Variants in ARMC8 observed in about 807,000 individuals in gnomAD.
ARMC8 encodes armadillo repeat-containing protein 8.
A neutral mutation model predicts 99.3 loss-of-function variants in ARMC8; 20 were observed. The observed-to-expected ratio is 0.20, with a 90% CI of 0.14 to 0.29. The LOEUF is 0.29. Ranked by LOEUF, ARMC8 falls within the 10% of genes least tolerant of loss-of-function variation. The pLI is 1.00. For missense variants in ARMC8, 569 were observed against 809.5 expected (o/e 0.70, Z 3.60); for synonymous variants, 263 against 278.3 (o/e 0.95, Z 0.55).
At chr3:138,210,948 A>C (rs1462966599) in intron 2 of ARMC8, among the ~76,000 whole-genome samples, 1 of 152,030 alleles carries the variant, frequency 6.6e-6, no homozygotes, top group Non-Finnish European at 1.5e-5. Context: ...GAGATACTTG[A>C]CGCTTATTTT....
At chr3:138,250,838 A>G (rs1194795364) in intron 12 of ARMC8, among the ~76,000 whole-genome samples, 1 of 152,178 alleles carries the variant, frequency 6.6e-6, no homozygotes, top group Non-Finnish European at 1.5e-5. Flanking sequence ...CTTTCTTAAT[A>G]TCTTTCTGCT....
chr3:138,189,843 TCCAATA>T (rs1332671754), intron 1 of ARMC8, among the ~76,000 whole-genome samples: 4 of 152,196 alleles, frequency 2.6e-5, no homozygotes, highest in Non-Finnish European at 4.4e-5. Flanking sequence ...ACCCATCGCT[TCCAATA>T]AAGCACATTC....
chr3:138,235,233 A>G (rs887012384), intron 7 of ARMC8, 119 bp downstream of exon 7: 9 of 730,664 alleles, frequency 1.2e-5, no homozygotes, highest in Non-Finnish European at 1.8e-5. Flanking sequence ...TTTATCAGTA[A>G]AATGTTATAG....
chr3:138,246,607 T>A, intron 12 of ARMC8: 1 of 985,728 alleles, frequency 1.0e-6, no homozygotes. Context: ...CTTAAAGCTC[T>A]AAAAAACCAT....
intron 19 of ARMC8, among the ~76,000 whole-genome samples, chr3:138,286,399 A>T (rs1047441283): frequency 1.5e-4 from 23 of 152,040 alleles, no homozygotes; most frequent in African/African-American, 5.6e-4. Flanking sequence ...AATCCAAAGG[A>T]TCCTTTTCTC....
In ARMC8 at chr3:138,263,789, G is replaced by A. The variant is rs778113002; in HGVS notation, c.1185G>A (p.Glu395=). The A allele has an allele frequency of 8.0e-5, 129 of 1,613,896 alleles. No homozygotes were observed. The highest frequency in any genetic ancestry group is 1.0e-4 in the Non-Finnish European group (120 of 1,179,872). Residue 395 remains glutamate (E), a synonymous_variant, in exon 13 of 22, where the codon GAG becomes GAA. Transcript: ENST00000469044. ...ACCGAATTGTGACTGGCTTGTCTGAGTCTAGTGTCAAGGTGCGGTTAGCTG... is the reference window on the plus strand; with the variant it reads ...ACCGAATTGTGACTGGCTTGTCTGAATCTAGTGTCAAGGTGCGGTTAGCTG... The part of the protein sequence containing the change: ...MMDRIVTGLS[E]SSVKVRLAAV...
chr3:138,281,217 GGTGT>G (rs149949088), intron 18 of ARMC8, among the ~76,000 whole-genome samples: 4 of 149,830 alleles, frequency 2.7e-5, no homozygotes, highest in African/African-American at 9.8e-5. Context: ...TAATGGTGTG[GGTGT>G]GTGTGTGTGT....
chr3:138,196,897 A>G (rs1032557148), intron 1 of ARMC8, among the ~76,000 whole-genome samples: 1 of 152,170 alleles, frequency 6.6e-6, no homozygotes, highest in Non-Finnish European at 1.5e-5. Flanking sequence ...GTCATTTAAA[A>G]TCATTTTGGA....
At chr3:138,268,089 A>C (rs945034865) in intron 15 of ARMC8, among the ~76,000 whole-genome samples, 3 of 152,108 alleles carry the variant, frequency 2.0e-5, no homozygotes, top group Non-Finnish European at 4.4e-5. Context: ...CTAAAAGTAC[A>C]AAAATTAGCC....
At chr3:138,280,422 A>G (rs111770357) in intron 18 of ARMC8, among the ~76,000 whole-genome samples, 6,617 of 150,556 alleles carry the variant, frequency 0.044, 230 homozygotes, top group South Asian at 0.09. Context: ...GGTTCAGTCT[A>G]TTCTCGTGCC....
At chr3:138,268,869 A>G (rs559119625) in intron 15 of ARMC8, among the ~76,000 whole-genome samples, 1 of 152,346 alleles carries the variant, frequency 6.6e-6, no homozygotes, top group South Asian at 2.1e-4. Flanking sequence ...TGACAAAATT[A>G]GAGTATGGGC....
At chr3:138,289,235 G>C (rs1211928627) in intron 20 of ARMC8, 115 bp downstream of exon 20, 4 of 774,218 alleles carry the variant, frequency 5.2e-6, no homozygotes, top group Non-Finnish European at 6.3e-6. Context: ...GGACCATCTG[G>C]CCCAAGCACC....
intron 1 of ARMC8, among the ~76,000 whole-genome samples, chr3:138,203,753 G>A (rs535959122): frequency 6.6e-6 from 1 of 152,326 alleles, no homozygotes; most frequent in South Asian, 2.1e-4. Context: ...TTAATAAAAG[G>A]AAAACTGCTT....
At chr3:138,275,286 A>C (rs1267424608) in intron 18 of ARMC8, among the ~76,000 whole-genome samples, 1 of 152,164 alleles carries the variant, frequency 6.6e-6, no homozygotes, top group East Asian at 1.9e-4. Context: ...GGACGGGTAC[A>C]GTGGCTCATG....
chr3:138,275,241 A>G (rs2049165057), intron 18 of ARMC8, among the ~76,000 whole-genome samples: 1 of 152,222 alleles, frequency 6.6e-6, no homozygotes, highest in South Asian at 2.1e-4. Context: ...GGTTTTGGCT[A>G]CATGGTTATG....
At chr3:138,246,035 A>G in intron 12 of ARMC8, 1 of 985,418 alleles carries the variant, frequency 1.0e-6, no homozygotes, top group South Asian at 4.7e-5. Context: ...CTCCATCTGC[A>G]TTAGTATTTT....
intron 2 of ARMC8, 55 bp from the exon 3 acceptor site, chr3:138,221,871 G>T: frequency 6.6e-6 from 9 of 1,359,144 alleles, no homozygotes; most frequent in South Asian, 1.2e-5. Context: ...AATGATCTTT[G>T]ATTTTTCTTC....
At chr3:138,198,532 G>A (rs1013959428) in intron 1 of ARMC8, among the ~76,000 whole-genome samples, 2 of 149,404 alleles carry the variant, frequency 1.3e-5, no homozygotes, top group African/African-American at 4.9e-5. Flanking sequence ...TATTTTTTGA[G>A]ACAGATTCTC....
At chr3:138,260,710 T>G (rs1023093506) in intron 12 of ARMC8, among the ~76,000 whole-genome samples, 6 of 152,238 alleles carry the variant, frequency 3.9e-5, no homozygotes, top group African/African-American at 1.4e-4. Flanking sequence ...TCTGGTTCTT[T>G]GGTAGATTTA....
Sources: allele counts gnomAD v4.1 joint callset (sites outside exome capture counted in the v4.1 genomes callset), GRCh38; gene constraint gnomAD v4.1.1; transcripts MANE v1.5; gene names NCBI Gene and HGNC (gene_info 2026-07-23, HGNC 2026-07-21).